The following TMPRSS2 variants were observed in gnomAD, a reference collection of about 807,000 sequenced individuals.
TMPRSS2 encodes the protein transmembrane protease serine 2.
In TMPRSS2, 59 loss-of-function variants were observed where a neutral mutation model predicts 67.4. That is an observed-to-expected ratio of 0.88 (90% CI 0.71 to 1.09). TMPRSS2 has a LOEUF of 1.09. Among genes scored for constraint, TMPRSS2 ranks in the 50% least tolerant of loss-of-function variants. TMPRSS2 has a pLI of 0.00. For synonymous variants in TMPRSS2, 257 were observed against 257.0 expected (o/e 1.00, Z 0.00); for missense variants, 668 against 642.7 (o/e 1.04, Z -0.43).
chr21:41,480,383 T>C (rs777857090), intron 6 of TMPRSS2, 93 bp downstream of exon 6: 2 of 1,553,816 alleles, frequency 1.3e-6, no homozygotes, highest in Non-Finnish European at 1.7e-6. Context: ...CCAGCACTCA[T>C]GTGCCGGTGC....
intron 1 of TMPRSS2, 121 bp downstream of exon 1, chr21:41,507,960 G>C (rs1445793930): frequency 6.8e-7 from 1 of 1,476,876 alleles, no homozygotes; most frequent in Non-Finnish European, 8.9e-7. Context: ...CTGCCGCGCC[G>C]CGCTCCTCAC....
At chr21:41,479,454 C>T (rs964374451) in intron 6 of TMPRSS2, among the ~76,000 whole-genome samples, 172 bp from the exon 7 acceptor site, 6 of 152,202 alleles carry the variant, frequency 3.9e-5, no homozygotes, top group Middle Eastern at 3.4e-3. Context: ...AACGATTTTT[C>T]GATTCAATAA....
intron 13 of TMPRSS2, 127 bp from the exon 14 acceptor site, chr21:41,466,280 G>C: frequency 1.1e-6 from 1 of 881,356 alleles, no homozygotes; most frequent in South Asian, 1.5e-5. Context: ...AGCACAAAGG[G>C]ATCATTCTTC....
rs766733421 is a variant in TMPRSS2, at chr21:41,470,652, C to T, written c.1167G>A (p.Glu389=). The T allele has an allele frequency of 1.2e-6, 2 of 1,613,322 alleles. No homozygotes were observed. The highest frequency in any genetic ancestry group is 8.5e-7 in the Non-Finnish European group (1 of 1,179,886). The stretch of plus-strand genomic sequence containing the variant: ...TGTGCCCAGGAGCAGCCTCACCTTT[C>T]TCCTCGGTGGCCCCCCACCCGGAAA... ...CWISGWGATE[E]KGKTSEVLNA... The change falls in exon 11 of 14, where the codon GAG becomes GAA. Residue 389 remains glutamate, a synonymous_variant. Transcript: ENST00000332149.
At chr21:41,489,032 A>G (rs1484084293) in intron 4 of TMPRSS2, among the ~76,000 whole-genome samples, 2 of 152,186 alleles carry the variant, frequency 1.3e-5, no homozygotes, top group Admixed American at 1.3e-4. Flanking sequence ...CGTGGGGGCA[A>G]TGGGAAGGAC....
intron 1 of TMPRSS2, among the ~76,000 whole-genome samples, chr21:41,503,081 C>T (rs964294547): frequency 2.6e-5 from 4 of 152,062 alleles, no homozygotes; most frequent in South Asian, 2.1e-4. Flanking sequence ...AACAGACGAT[C>T]GGAAATGTAA....
chr21:41,470,794 TC>T, intron 10 of TMPRSS2, 51 bp from the exon 11 acceptor site: 1 of 691,260 alleles, frequency 1.4e-6, no homozygotes, highest in Non-Finnish European at 2.0e-6. Flanking sequence ...CACCTATGTC[TC>T]CACCTGGCCT....
chr21:41,489,178 G>A (rs2091318375), intron 4 of TMPRSS2, among the ~76,000 whole-genome samples: 1 of 152,204 alleles, frequency 6.6e-6, no homozygotes, highest in Admixed American at 6.5e-5. Context: ...GCAGGAGGTG[G>A]GACATGGAGG....
At chr21:41,484,130 A>G (rs2091278884) in intron 5 of TMPRSS2, among the ~76,000 whole-genome samples, 1 of 152,148 alleles carries the variant, frequency 6.6e-6, no homozygotes, top group South Asian at 2.1e-4. Flanking sequence ...AAAAAACCCA[A>G]TTGTACATGT....
intron 1 of TMPRSS2, among the ~76,000 whole-genome samples, chr21:41,507,551 G>A (rs956788645): frequency 2.0e-5 from 3 of 152,200 alleles, no homozygotes; most frequent in African/African-American, 7.2e-5. Context: ...CGGCATCTCA[G>A]CGAGTTTCCA....
In TMPRSS2 at chr21:41,502,695, T is replaced by C. The variant is rs1046756789; in HGVS notation, c.-56-4506A>G. 13 of 537,436 alleles carry C rather than the reference T, an allele frequency of 2.4e-5. No individual in the cohort carries two copies. The African/African-American group carries it at 2.7e-4, about 11-fold the overall frequency. 33.3% of individuals were successfully genotyped at this position (537,436 alleles called of 1,614,324 possible). A position where few individuals can be genotyped will look rare whatever the true frequency, so the allele number is the denominator to read the frequency against. ...TCAGTGGCTGTTCAGCAGAAACTTG[T>C]TTATGTATAATCAGGTAAATTGCAT... On this transcript the variant is annotated intron_variant, in intron 1 of 13. Transcript: ENST00000332149.
intron 2 of TMPRSS2, 34 bp from the exon 3 acceptor site, chr21:41,494,612 A>C: frequency 6.3e-7 from 1 of 1,591,650 alleles, no homozygotes; most frequent in Non-Finnish European, 8.6e-7. Flanking sequence ...ATAATATAAA[A>C]CTCTTATTTG....
At chr21:41,502,615 T>G in intron 1 of TMPRSS2, 1 of 983,460 alleles carries the variant, frequency 1.0e-6, no homozygotes, top group Non-Finnish European at 1.2e-6. Context: ...CAACGAGATG[T>G]TCTATCCTCC....
intron 6 of TMPRSS2, among the ~76,000 whole-genome samples, 193 bp from the exon 7 acceptor site, chr21:41,479,475 T>G (rs1391459345): frequency 6.6e-6 from 1 of 152,214 alleles, no homozygotes; most frequent in Non-Finnish European, 1.5e-5. Flanking sequence ...CCCTAAAGTG[T>G]CAGACAAAAT....
At chr21:41,468,326 G>A (rs938752384) in intron 12 of TMPRSS2, 70 bp downstream of exon 12, 29 of 1,576,846 alleles carry the variant, frequency 1.8e-5, no homozygotes, top group Middle Eastern at 3.6e-4. Context: ...CCCCAAGAAT[G>A]CCCTCTCTCT....
chr21:41,475,533 AAGGGTGAG>A (rs2091201148), intron 8 of TMPRSS2, among the ~76,000 whole-genome samples: 2 of 29,400 alleles, frequency 6.8e-5, no homozygotes, highest in Non-Finnish European at 1.3e-4. Flanking sequence ...TGAGGGGGTG[AAGGGTGAG>A]TGAGGGGGTG....
At chr21:41,473,644 T>A in intron 8 of TMPRSS2, 148 bp from the exon 9 acceptor site, 1 of 906,780 alleles carries the variant, frequency 1.1e-6, no homozygotes, top group Non-Finnish European at 1.7e-6. Context: ...CTCCTGGGGG[T>A]CTCCTCTTGG....
intron 13 of TMPRSS2, 55 bp from the exon 14 acceptor site, chr21:41,466,208 G>C: frequency 6.2e-7 from 1 of 1,603,234 alleles, no homozygotes. Flanking sequence ...AACAAAGGTG[G>C]AAAATAATTT....
intron 1 of TMPRSS2, among the ~76,000 whole-genome samples, chr21:41,501,263 G>C (rs1052928253): frequency 1.3e-5 from 2 of 152,200 alleles, no homozygotes; most frequent in African/African-American, 4.8e-5. Flanking sequence ...GTGTGCCCAA[G>C]TCAGTTACCA....
Sources: gnomAD v4.1 joint callset for allele counts (sites outside exome capture counted in the v4.1 genomes callset) on GRCh38, gnomAD v4.1.1 for gene constraint, MANE v1.5 for transcripts, NCBI Gene and HGNC (gene_info 2026-07-23, HGNC 2026-07-21) for gene names.